RFX3: variants seen among roughly 807,000 people sequenced by gnomAD.
The protein encoded by RFX3 is regulatory factor X3.
A neutral mutation model predicts 98.6 loss-of-function variants in RFX3; 14 were observed. The observed-to-expected ratio is 0.14, with a 90% confidence interval of 0.09 to 0.22. RFX3 has a LOEUF of 0.22. Among genes scored for constraint, RFX3 ranks in the 10% least tolerant of loss-of-function variants. The pLI is 1.00. For missense variants in RFX3, 639 were observed against 926.9 expected, an observed-to-expected ratio of 0.69 and a Z score of 4.03; for synonymous variants, 383 against 328.4, an observed-to-expected ratio of 1.17 and a Z score of -1.80.
chr9:3,463,522 A>G (rs758489354), intron 1 of RFX3, among the ~76,000 whole-genome samples: 1 of 152,146 alleles, frequency 6.6e-6, no homozygotes, highest in Non-Finnish European at 1.5e-5. Flanking sequence ...TTAAAGACTT[A>G]TTCTTTGAAA....
intron 4 of RFX3, among the ~76,000 whole-genome samples, chr9:3,327,392 T>G (rs1465059216): frequency 6.6e-6 from 1 of 152,112 alleles, no homozygotes; most frequent in Non-Finnish European, 1.5e-5. Flanking sequence ...GTCAAGCAGA[T>G]CTTCAGTACA....
At chr9:3,294,139 C>A (rs1043077381) in intron 5 of RFX3, among the ~76,000 whole-genome samples, 2 of 152,122 alleles carry the variant, frequency 1.3e-5, no homozygotes, top group Admixed American at 6.6e-5. Flanking sequence ...AAAATTAAAT[C>A]TTTTGTTCAT....
chr9:3,415,207 A>G (rs1056042131), intron 1 of RFX3, among the ~76,000 whole-genome samples: 1 of 129,042 alleles, frequency 7.7e-6, no homozygotes, highest in African/African-American at 3.5e-5. Flanking sequence ...ATATATATAT[A>G]TACATACTCA....
chr9:3,494,338 A>G (rs1850956598), intron 1 of RFX3, among the ~76,000 whole-genome samples: 1 of 152,148 alleles, frequency 6.6e-6, no homozygotes, highest in Non-Finnish European at 1.5e-5. Context: ...GAGAATCCCA[A>G]AGAACTTTTG....
At chr9:3,240,844 G>C (rs1004143023) in intron 15 of RFX3, among the ~76,000 whole-genome samples, 1 of 152,174 alleles carries the variant, frequency 6.6e-6, no homozygotes, top group Non-Finnish European at 1.5e-5. Context: ...CAGGATGACA[G>C]AGTGTGGCAA....
intron 5 of RFX3, among the ~76,000 whole-genome samples, chr9:3,299,612 G>A (rs1338662603): frequency 1.3e-5 from 2 of 151,606 alleles, no homozygotes; most frequent in Admixed American, 6.6e-5. Flanking sequence ...GGAGTTGTTA[G>A]CAGTATGGAA....
chr9:3,330,567 T>C (rs1832474470), intron 3 of RFX3, 50 bp from the exon 4 acceptor site: 1 of 1,519,408 alleles, frequency 6.6e-7, no homozygotes, highest in African/African-American at 1.4e-5. Flanking sequence ...TATGTCATCT[T>C]ATTAATTTTT....
At chr9:3,389,257 T>C (rs990192942) in intron 2 of RFX3, among the ~76,000 whole-genome samples, 1 of 152,108 alleles carries the variant, frequency 6.6e-6, no homozygotes, top group Admixed American at 6.6e-5. Flanking sequence ...ACCTCCTAGG[T>C]TGAGGCATAA....
At chr9:3,343,776 G>A (rs1834148887) in intron 3 of RFX3, among the ~76,000 whole-genome samples, 1 of 152,174 alleles carries the variant, frequency 6.6e-6, no homozygotes, top group South Asian at 2.1e-4. Context: ...GACCAAAAGT[G>A]CACATTTGTG....
In RFX3 at chr9:3,288,114, A is replaced by T. The variant is rs766084963; in HGVS notation, c.851+17T>A. On this transcript the variant is annotated intron_variant, in intron 7 of 16. Transcript: ENST00000617270. ...AATACATAGCTTGGACACATCAATG[A>T]TAACTTCAGAGTCTACCTTTGTTTC... 3.1e-6 allele frequency: 5 copies of T among 1,612,060 alleles called. 1 individual carries two copies. The South Asian group carries it at 4.4e-5, about 14-fold the overall frequency.
intron 2 of RFX3, among the ~76,000 whole-genome samples, chr9:3,366,985 G>C (rs1246083442): frequency 6.6e-6 from 1 of 151,960 alleles, no homozygotes; most frequent in Non-Finnish European, 1.5e-5. Flanking sequence ...CACTGGCTAT[G>C]AGTAAAGTAT....
At chr9:3,443,100 C>T (rs1174827616) in intron 1 of RFX3, among the ~76,000 whole-genome samples, 1 of 151,882 alleles carries the variant, frequency 6.6e-6, no homozygotes, top group Non-Finnish European at 1.5e-5. Context: ...CAAATAAGCA[C>T]AAAAAAAGAT....
At chr9:3,252,410 G>T (rs1029539662) in intron 14 of RFX3, among the ~76,000 whole-genome samples, 3 of 150,312 alleles carry the variant, frequency 2.0e-5, no homozygotes, top group East Asian at 3.9e-4. Flanking sequence ...AGATTGGAGA[G>T]TGATGAGGGC....
chr9:3,304,475 C>T (rs573528285), intron 4 of RFX3, among the ~76,000 whole-genome samples: 5 of 151,760 alleles, frequency 3.3e-5, no homozygotes, highest in Non-Finnish European at 5.9e-5. Context: ...TGAATAAATG[C>T]ATAATTACCA....
intron 16 of RFX3, among the ~76,000 whole-genome samples, chr9:3,228,085 A>T (rs980435972): frequency 6.6e-6 from 1 of 152,178 alleles, no homozygotes; most frequent in Non-Finnish European, 1.5e-5. Flanking sequence ...CACCTTTTAA[A>T]AGAAAGGGCT....
Position 3,391,235 on chromosome 9 carries a change from G to T in RFX3, c.117+4237C>A, listed in dbSNP as rs139489862. On this transcript the variant is annotated intron_variant, in intron 2 of 16. Coordinates refer to ENST00000617270, the MANE Select transcript of RFX3 (RefSeq NM_001282116.2). ...GCATGTCAGAGGAATAGGAATTATA[G>T]CATGAATCTTATCAGTTATAGACAA... Among the ~76,000 whole-genome samples, 4 of 152,124 alleles carry T rather than the reference G, an allele frequency of 2.6e-5. No homozygotes were observed. The East Asian group carries it at 7.7e-4, about 29-fold the overall frequency.
At chr9:3,409,801 T>C (rs1337771211) in intron 1 of RFX3, among the ~76,000 whole-genome samples, 1 of 152,162 alleles carries the variant, frequency 6.6e-6, no homozygotes, top group East Asian at 1.9e-4. Flanking sequence ...CACAGCCCTT[T>C]AAAGCTTAAA....
intron 1 of RFX3, among the ~76,000 whole-genome samples, chr9:3,519,442 T>C (rs1818490131): frequency 6.6e-6 from 1 of 152,190 alleles, no homozygotes; most frequent in South Asian, 2.1e-4. Context: ...CAAAGGATTC[T>C]TAGGTAGCAA....
chr9:3,221,584 C>T lies in RFX3; in HGVS notation c.*3458G>A, dbSNP rs1817341446. ...GCAGATTTCTGAAAAGGCAGTAAGA[C>T]TTATACAGTCAGTCCAAACACAGTT... On this transcript the variant is annotated 3_prime_UTR_variant, in exon 17 of 17. Coordinates refer to ENST00000617270, the MANE Select transcript of RFX3 (RefSeq NM_001282116.2). 6.6e-6 allele frequency: 1 copy of T among 152,222 alleles called. No individual in the cohort carries two copies. The highest frequency in any genetic ancestry group is 1.9e-4 in the East Asian group (1 of 5,186). The allele number at this position is 152,222 out of a possible 1,614,324, so 9.4% of individuals were successfully genotyped here. A position where few individuals can be genotyped will look rare whatever the true frequency, so the allele number is the denominator to read the frequency against.
Sources: allele counts gnomAD v4.1 joint callset (sites outside exome capture counted in the v4.1 genomes callset), GRCh38; gene constraint gnomAD v4.1.1; transcripts MANE v1.5; gene names NCBI Gene and HGNC (gene_info 2026-07-23, HGNC 2026-07-21).